The following DNER variants were observed in gnomAD, a reference collection of about 807,000 sequenced individuals.
DNER encodes delta and Notch-like epidermal growth factor-related receptor.
Under a neutral mutation model 78.2 loss-of-function variants are expected in DNER, and 33 were observed. The observed-to-expected ratio is 0.42, with a 90% CI of 0.32 to 0.56. The LOEUF (loss-of-function observed/expected upper bound fraction) is 0.56, where lower values mean the gene tolerates loss of function less well. Among genes scored for constraint, DNER ranks in the 20% least tolerant of loss-of-function variants. The pLI is 0.11. For synonymous variants in DNER, 417 were observed against 384.8 expected, an observed-to-expected ratio of 1.08 and a Z score of -0.98; for missense variants, 918 against 975.3, an observed-to-expected ratio of 0.94 and a Z score of 0.78.
chr2:229,440,730 T>C (rs188349536), intron 8 of DNER, among the ~76,000 whole-genome samples: 5 of 151,956 alleles, frequency 3.3e-5, no homozygotes, highest in Non-Finnish European at 7.4e-5. Context: ...CTAAAGAGGG[T>C]GCGTATGCAC....
chr2:229,673,263 T>A (rs1160931876), intron 1 of DNER, among the ~76,000 whole-genome samples: 1 of 152,118 alleles, frequency 6.6e-6, no homozygotes, highest in Non-Finnish European at 1.5e-5. Flanking sequence ...TGGTAGGTAT[T>A]GAGATTGGAA....
intron 1 of DNER, among the ~76,000 whole-genome samples, chr2:229,601,172 C>A (rs1356947418): frequency 1.3e-5 from 2 of 152,154 alleles, no homozygotes; most frequent in East Asian, 3.9e-4. Context: ...ACAGGAATTG[C>A]AGTGGTTGTA....
chr2:229,677,302 C>A (rs1036406186), intron 1 of DNER, among the ~76,000 whole-genome samples: 1 of 152,128 alleles, frequency 6.6e-6, no homozygotes, highest in Non-Finnish European at 1.5e-5. Context: ...CATCTCCACC[C>A]AACATCAGAC....
intron 9 of DNER, among the ~76,000 whole-genome samples, chr2:229,412,441 A>G (rs1003913685): frequency 2.0e-5 from 3 of 152,266 alleles, no homozygotes; most frequent in Non-Finnish European, 4.4e-5. Flanking sequence ...TTAAAAAGAA[A>G]AAGAGCCTAT....
intron 7 of DNER, among the ~76,000 whole-genome samples, chr2:229,476,461 T>TA (rs1695039157): frequency 6.6e-6 from 1 of 152,194 alleles, no homozygotes; most frequent in South Asian, 2.1e-4. Context: ...TGACTCTATG[T>TA]AGTTGTCAAT....
chr2:229,454,633 A>C (rs1694532471), intron 7 of DNER, among the ~76,000 whole-genome samples: 2 of 152,042 alleles, frequency 1.3e-5, no homozygotes, highest in Admixed American at 1.3e-4. Flanking sequence ...CTAAAAAAGA[A>C]AGTGGAAAAT....
At chr2:229,612,325 A>T (rs1698064589) in intron 1 of DNER, among the ~76,000 whole-genome samples, 1 of 152,156 alleles carries the variant, frequency 6.6e-6, no homozygotes, top group Non-Finnish European at 1.5e-5. Context: ...ACTGTTGGGG[A>T]TCAGACATTA....
intron 12 of DNER, among the ~76,000 whole-genome samples, chr2:229,361,574 G>C (rs939488687): frequency 2.6e-5 from 4 of 152,080 alleles, no homozygotes; most frequent in Non-Finnish European, 5.9e-5. Flanking sequence ...ACATTTTACA[G>C]GTCCCTGATG....
chr2:229,418,840 G>A (rs1329392829), intron 8 of DNER, among the ~76,000 whole-genome samples: 1 of 151,966 alleles, frequency 6.6e-6, no homozygotes, highest in African/African-American at 2.4e-5. Context: ...AGAATCACTT[G>A]AACCTGGGAG....
intron 7 of DNER, among the ~76,000 whole-genome samples, chr2:229,465,246 A>G (rs1479767862): frequency 1.3e-5 from 2 of 152,236 alleles, no homozygotes; most frequent in African/African-American, 2.4e-5. Context: ...AATACTATGC[A>G]GCCATAAAAA....
chr2:229,505,964 T>C (rs901848636), intron 6 of DNER, among the ~76,000 whole-genome samples: 14 of 152,320 alleles, frequency 9.2e-5, no homozygotes, highest in African/African-American at 3.1e-4. Context: ...TGTGGGGCTA[T>C]AAAATAGCTT....
chr2:229,644,099 C>T (rs945052812), intron 1 of DNER, among the ~76,000 whole-genome samples: 17 of 152,070 alleles, frequency 1.1e-4, no homozygotes, highest in African/African-American at 3.9e-4. Context: ...CTGCACCTGC[C>T]CCCAAATTTC....
chr2:229,460,033 T>G (rs1694660404), intron 7 of DNER, among the ~76,000 whole-genome samples: 1 of 151,728 alleles, frequency 6.6e-6, no homozygotes, highest in Non-Finnish European at 1.5e-5. Flanking sequence ...GGGGGGTGCC[T>G]GTAGTCCCAA....
At position 229,591,645 on chromosome 2, in the gene DNER, T is replaced by A; in HGVS notation, c.520A>T (p.Thr174Ser). The A allele has an allele frequency of 6.2e-7, 1 of 1,614,222 alleles. No individual in the cohort carries two copies. The change falls in exon 2 of 13, where the codon ACA becomes TCA. Residue 174 changes from threonine (T) to serine (S), a missense_variant. Thr to Ser is a moderately conservative substitution (Grantham distance 58). Transcript: ENST00000341772. This position sits in a 1 kb window ranked among gnomAD's most constrained non-coding sequence, Gnocchi z 4.6. ...GTTTTCGGCTGCCAGGTAGGCAGTG[T>A]CACCGTTGCCTGAGAGCGAGGCAGG... ...KILPRSQATVTLPTWQPKTGQ... is the reference protein window; with the variant it reads ...KILPRSQATVSLPTWQPKTGQ...
intron 8 of DNER, among the ~76,000 whole-genome samples, chr2:229,424,106 C>T (rs937600355): frequency 1.3e-5 from 2 of 152,204 alleles, no homozygotes; most frequent in Non-Finnish European, 2.9e-5. Context: ...TAAAATGTTT[C>T]CATGGTGCTC....
intron 1 of DNER, among the ~76,000 whole-genome samples, chr2:229,663,223 G>C (rs1699037228): frequency 6.6e-6 from 1 of 152,178 alleles, no homozygotes; most frequent in Non-Finnish European, 1.5e-5. Context: ...ATGAAGTTCA[G>C]TAGAGAATGT....
intron 4 of DNER, among the ~76,000 whole-genome samples, chr2:229,556,808 C>T (rs920300218): frequency 6.6e-6 from 1 of 152,146 alleles, no homozygotes; most frequent in Non-Finnish European, 1.5e-5. Flanking sequence ...CACATTACCA[C>T]GTAACTCCTA....
intron 1 of DNER, among the ~76,000 whole-genome samples, chr2:229,683,062 A>T (rs570625813): frequency 1.6e-4 from 25 of 152,366 alleles, no homozygotes; most frequent in Admixed American, 2.6e-4. Flanking sequence ...TTAATAGCAT[A>T]AAGTTTGACT....
chr2:229,480,204 G>A (rs35604710), intron 6 of DNER, among the ~76,000 whole-genome samples: 19,003 of 152,186 alleles, frequency 0.12, 1,322 homozygotes, highest in South Asian at 0.2. Context: ...AACCTCATGT[G>A]TCCATCACCC....
Sources: gnomAD v4.1 joint callset for allele counts (sites outside exome capture counted in the v4.1 genomes callset) on GRCh38, gnomAD v4.1.1 for gene constraint, Gnocchi (gnomAD v3.1) non-coding constraint, MANE v1.5 for transcripts, NCBI Gene and HGNC (gene_info 2026-07-23, HGNC 2026-07-21) for gene names.